Variants in ADH7 observed in about 807,000 individuals in gnomAD.
ADH7 encodes alcohol dehydrogenase 7 (class IV), mu or sigma polypeptide.
In ADH7, 41 loss-of-function variants were observed where a neutral mutation model predicts 34.4. That is an observed-to-expected ratio of 1.19 (90% confidence interval 0.93 to 1.55). The LOEUF is 1.55. Among genes scored for constraint, ADH7 ranks in the 40% most tolerant of loss-of-function variants. The pLI is 0.00. For synonymous variants in ADH7, 180 were observed against 160.9 expected, an observed-to-expected ratio of 1.12 and a Z score of -0.90; for missense variants, 540 against 461.2, an observed-to-expected ratio of 1.17 and a Z score of -1.56.
At chr4:99,422,685 A>G (rs1445929357) in intron 5 of ADH7, among the ~76,000 whole-genome samples, 2 of 152,160 alleles carry the variant, frequency 1.3e-5, no homozygotes, top group Non-Finnish European at 2.9e-5. Flanking sequence ...ACAAATATAA[A>G]TTTTAGAAAT....
chr4:99,426,073 A>G (rs1234420486), intron 5 of ADH7, among the ~76,000 whole-genome samples: 1 of 152,184 alleles, frequency 6.6e-6, no homozygotes, highest in Non-Finnish European at 1.5e-5. Context: ...TGTAGAGAGA[A>G]ATTTACAGCA....
At chr4:99,415,411 T>A in intron 8 of ADH7, 67 bp downstream of exon 8, 1 of 1,485,516 alleles carries the variant, frequency 6.7e-7, no homozygotes, top group Non-Finnish European at 9.3e-7. Flanking sequence ...AACAGGCACA[T>A]TTATAAGTAC....
At position 99,416,937 on chromosome 4, in the gene ADH7, T is replaced by C. The variant is rs1338929637; in HGVS notation, c.962-1321A>G. Among the ~76,000 whole-genome samples, 3 of 152,228 alleles carry C rather than the reference T, an allele frequency of 2.0e-5. No homozygotes were observed. The East Asian group carries it at 5.8e-4, about 29-fold the overall frequency. On this transcript the variant is annotated intron_variant, in intron 7 of 8. Coordinates refer to ENST00000437033, the MANE Select transcript of ADH7 (RefSeq NM_000673.7). ...TGATGGTGACATGATTCCTGTTGCTTAGGCCCAAAAATCTTGGATGCTACT... is the reference window on the plus strand; with the variant it reads ...TGATGGTGACATGATTCCTGTTGCTCAGGCCCAAAAATCTTGGATGCTACT...
intron 5 of ADH7, among the ~76,000 whole-genome samples, chr4:99,426,614 C>T (rs1014795101): frequency 3.9e-5 from 6 of 152,068 alleles, no homozygotes; most frequent in Non-Finnish European, 7.3e-5. Context: ...GATTCACAGC[C>T]GAATTCTACA....
chr4:99,416,652 A>G (rs551040721), intron 7 of ADH7, among the ~76,000 whole-genome samples: 45 of 152,036 alleles, frequency 3.0e-4, no homozygotes, highest in Non-Finnish European at 5.3e-4. Context: ...CTTTATCTAC[A>G]TTTACTTCTA....
At chr4:99,430,821 C>T (rs906702634) in intron 1 of ADH7, among the ~76,000 whole-genome samples, 6 of 151,812 alleles carry the variant, frequency 4.0e-5, no homozygotes, top group Non-Finnish European at 7.4e-5. Flanking sequence ...TTTTTTTAGA[C>T]GCAATCTTGC....
intron 6 of ADH7, among the ~76,000 whole-genome samples, chr4:99,420,003 C>T (rs1231872470): frequency 6.6e-6 from 1 of 152,102 alleles, no homozygotes; most frequent in Non-Finnish European, 1.5e-5. Context: ...AGGTCTGGTG[C>T]TGCGGGCTGC....
At position 99,420,858 on chromosome 4, in the gene ADH7, C is replaced by T; in HGVS notation, c.565-65G>A. The T allele has an allele frequency of 1.1e-5, 16 of 1,504,166 alleles. 1 individual carries two copies. The South Asian group carries it at 1.8e-4, about 17-fold the overall frequency. The allele number at this position is 1,504,166 out of a possible 1,614,324, so 93.2% of individuals were successfully genotyped here. ...GTCAAAAAGTGAAACCTGAAAAGGGCCTCCAGTTAAAAACACAAATCATGA... is the reference window on the plus strand; with the variant it reads ...GTCAAAAAGTGAAACCTGAAAAGGGTCTCCAGTTAAAAACACAAATCATGA... On this transcript the variant is annotated intron_variant, in intron 5 of 8. Transcript: ENST00000437033.
intron 5 of ADH7, among the ~76,000 whole-genome samples, chr4:99,425,608 A>G (rs1228420374): frequency 2.0e-5 from 3 of 152,008 alleles, no homozygotes; most frequent in Non-Finnish European, 4.4e-5. Context: ...CACAATAATA[A>G]TGGGAGACTT....
Position 99,429,575 on chromosome 4 carries a change from T to C in ADH7, c.77A>G (p.Glu26Gly). 1.2e-6 allele frequency: 2 copies of C among 1,612,634 alleles called. No individual in the cohort carries two copies. Among genetic ancestry groups the C allele is most frequent in the Non-Finnish European group, 1.7e-6 (2 of 1,179,308 alleles). ...WEQKQPFSIEEIEVAPPKTKE... is the reference protein window; with the variant it reads ...WEQKQPFSIEGIEVAPPKTKE... ...AGTCTTTGGTGGGGCAACTTCTATTTCCTCAATGGAGAAGGGTTGCTTCTG... is the reference window on the plus strand; with the variant it reads ...AGTCTTTGGTGGGGCAACTTCTATTCCCTCAATGGAGAAGGGTTGCTTCTG... Residue 26 changes from glutamate (E) to glycine (G), a missense_variant, in exon 2 of 9, where the codon GAA becomes GGA. By Grantham distance (98) the Glu-to-Gly change is moderately conservative. Transcript: ENST00000437033.
intron 5 of ADH7, among the ~76,000 whole-genome samples, chr4:99,425,981 G>A (rs1230885267): frequency 6.6e-6 from 1 of 152,092 alleles, no homozygotes; most frequent in African/African-American, 2.4e-5. Context: ...ACGAAATGAA[G>A]GCAGAAATAA....
chr4:99,419,954 G>C (rs1031485761), intron 6 of ADH7, among the ~76,000 whole-genome samples: 4 of 152,226 alleles, frequency 2.6e-5, no homozygotes, highest in African/African-American at 9.6e-5. Context: ...GAGCTTTCTA[G>C]TTCCAGGAAT....
rs935509006 is a variant in ADH7 at position 99,420,893 on chromosome 4, C to A, written c.565-100G>T. On this transcript the variant is annotated intron_variant, in intron 5 of 8. Coordinates refer to ENST00000437033, the MANE Select transcript of ADH7 (RefSeq NM_000673.7). ...AAAACACAAATCATGAGTGAACTCCCATTCACAATTGCTACAAAGAGAATA... is the reference window on the plus strand; with the variant it reads ...AAAACACAAATCATGAGTGAACTCCAATTCACAATTGCTACAAAGAGAATA... 38 of 1,051,584 alleles carry A rather than the reference C, an allele frequency of 3.6e-5. No homozygotes were observed. The South Asian group carries it at 5.4e-4, about 15-fold the overall frequency. The allele number at this position is 1,051,584 out of a possible 1,614,324, so 65.1% of individuals were successfully genotyped here.
chr4:99,426,628 G>A (rs543863510), intron 5 of ADH7, among the ~76,000 whole-genome samples: 1 of 152,074 alleles, frequency 6.6e-6, no homozygotes, highest in African/African-American at 2.4e-5. Context: ...TTCTACAAGA[G>A]GTACAAGGAG....
intron 7 of ADH7, among the ~76,000 whole-genome samples, chr4:99,417,448 T>C (rs1225421091): frequency 6.6e-6 from 1 of 152,178 alleles, no homozygotes; most frequent in Non-Finnish European, 1.5e-5. Flanking sequence ...TTTATGTTTT[T>C]GCTCCAATGT....
At chr4:99,413,238 C>G (rs1215785783) in intron 8 of ADH7, 66 bp from the exon 9 acceptor site, 5 of 1,541,518 alleles carry the variant, frequency 3.2e-6, no homozygotes, top group Non-Finnish European at 4.5e-6. Flanking sequence ...ATAGTTTAAA[C>G]AATTGTCCTT....
rs1213923803 is a variant in ADH7 at position 99,412,394 on chromosome 4, A to T, written c.*754T>A. The T allele has an allele frequency of 1.3e-5, 2 of 152,108 alleles. No individual in the cohort carries two copies. The highest frequency in any genetic ancestry group is 4.8e-5 in the African/African-American group (2 of 41,450). 9.4% of individuals were successfully genotyped at this position (152,108 alleles called of 1,614,324 possible). ...TCACTACTAAGCACAGTGAATAGGG[A>T]CTTAGGGACTTGCAATTCTACTGTA... On this transcript the variant is annotated 3_prime_UTR_variant, in exon 9 of 9. Coordinates refer to ENST00000437033, the MANE Select transcript of ADH7 (RefSeq NM_000673.7).
chr4:99,417,498 G>A (rs1461480102), intron 7 of ADH7, among the ~76,000 whole-genome samples: 1 of 152,048 alleles, frequency 6.6e-6, no homozygotes, highest in Non-Finnish European at 1.5e-5. Flanking sequence ...TTATAAAATA[G>A]CATTCACCTC....
At position 99,418,970 on chromosome 4, in the gene ADH7, G is replaced by A. The variant is rs1304943278; in HGVS notation, c.961+16C>T. 1 of 1,612,764 alleles carries A rather than the reference G, an allele frequency of 6.2e-7. No individual in the cohort carries two copies. Among genetic ancestry groups the A allele is most frequent in the South Asian group, 1.1e-5 (1 of 90,956 alleles). On this transcript the variant is annotated intron_variant, in intron 7 of 8. Coordinates refer to ENST00000437033, the MANE Select transcript of ADH7 (RefSeq NM_000673.7). ...GAAAGCCATCACTCCCCATCCAGAGGCTTTGCTTTCCTGACCTCCAAAGAC... is the reference window on the plus strand; with the variant it reads ...GAAAGCCATCACTCCCCATCCAGAGACTTTGCTTTCCTGACCTCCAAAGAC...
Sources: gnomAD v4.1 joint callset for allele counts (sites outside exome capture counted in the v4.1 genomes callset) on GRCh38, gnomAD v4.1.1 for gene constraint, MANE v1.5 for transcripts, NCBI Gene and HGNC (gene_info 2026-07-23, HGNC 2026-07-21) for gene names.